CDK14: variants seen among roughly 807,000 people sequenced by gnomAD.
CDK14 encodes the protein cyclin-dependent kinase 14.
Under a neutral mutation model 60.7 loss-of-function variants are expected in CDK14, and 34 were observed. That is an observed-to-expected ratio of 0.56 (90% CI 0.43 to 0.75). CDK14 has a LOEUF of 0.75. CDK14 is among the 30% of genes least tolerant of loss of function. The probability of loss-of-function intolerance (pLI) is 0.00; values close to 1 mark genes in which losing one functional copy is unlikely to be tolerated. For synonymous variants in CDK14, 197 were observed against 203.7 expected, an observed-to-expected ratio of 0.97 and a Z score of 0.28; for missense variants, 482 against 564.1, an observed-to-expected ratio of 0.85 and a Z score of 1.47.
chr7:90,986,973 A>G (rs1252183283), intron 10 of CDK14, among the ~76,000 whole-genome samples: 1 of 151,940 alleles, frequency 6.6e-6, no homozygotes, highest in Non-Finnish European at 1.5e-5. Context: ...CTCAACTTAC[A>G]TATTACTTTA....
At position 90,714,720 on chromosome 7, in the gene CDK14, C is replaced by T. The variant is rs143472151; in HGVS notation, c.124-11847C>T. On this transcript the variant is annotated intron_variant, in intron 2 of 14. Coordinates refer to ENST00000380050, the MANE Select transcript of CDK14 (RefSeq NM_001287135.2). ...GAGTGATGCCCTATATTTTCCTGAA[C>T]ACTTTGATGGAGTTTGCATCTAGAT... Among the ~76,000 whole-genome samples the T allele has an allele frequency of 1.1e-3, 171 of 152,142 alleles. 2 individuals carry two copies. The highest frequency in any genetic ancestry group is 3.9e-3 in the African/African-American group (161 of 41,540).
intron 9 of CDK14, among the ~76,000 whole-genome samples, chr7:90,983,637 G>A (rs560945170): frequency 4.7e-5 from 7 of 149,618 alleles, no homozygotes; most frequent in South Asian, 4.2e-4. Flanking sequence ...CAGAGATCGC[G>A]CCACTGCACT....
chr7:90,657,435 A>T (rs1800774092), intron 2 of CDK14, among the ~76,000 whole-genome samples: 1 of 152,222 alleles, frequency 6.6e-6, no homozygotes, highest in Non-Finnish European at 1.5e-5. Flanking sequence ...CTAAAGCTGG[A>T]TGTAAAATTT....
rs577884672 is a variant in CDK14, at chr7:90,610,441, C to A, written c.123+6192C>A. ...TTCCTGCTGAACTCTTTTCACTCCCCCTAAGCCTTCTTGCGACCCTCCTCC... is the reference window on the plus strand; with the variant it reads ...TTCCTGCTGAACTCTTTTCACTCCCACTAAGCCTTCTTGCGACCCTCCTCC... On this transcript the variant is annotated intron_variant, in intron 2 of 14. Transcript: ENST00000380050. Among the ~76,000 whole-genome samples the A allele has an allele frequency of 4.6e-5, 7 of 152,284 alleles. No homozygotes were observed. In the South Asian group the frequency reaches 1.4e-3, roughly 32 times the overall value.
At chr7:90,738,798 T>A (rs1438992641) in intron 3 of CDK14, among the ~76,000 whole-genome samples, 1 of 152,186 alleles carries the variant, frequency 6.6e-6, no homozygotes, top group South Asian at 2.1e-4. Flanking sequence ...TTTGATCCAG[T>A]ATCTTTATTT....
chr7:91,158,798 C>A (rs565127717), intron 14 of CDK14, among the ~76,000 whole-genome samples: 2 of 152,190 alleles, frequency 1.3e-5, no homozygotes, highest in African/African-American at 4.8e-5. Flanking sequence ...AGCTTAGATA[C>A]AGTCAGGTCA....
At chr7:90,841,756 G>A (rs1790300701) in intron 5 of CDK14, among the ~76,000 whole-genome samples, 2 of 151,736 alleles carry the variant, frequency 1.3e-5, no homozygotes. Context: ...GGTTACTTGA[G>A]GGTACTTCTT....
At chr7:91,054,026 C>G (rs1223828002) in intron 11 of CDK14, among the ~76,000 whole-genome samples, 1 of 151,008 alleles carries the variant, frequency 6.6e-6, no homozygotes, top group Non-Finnish European at 1.5e-5. Context: ...CAGATTTGAG[C>G]TAGCTGACAT....
chr7:90,958,266 G>T (rs549993652), intron 9 of CDK14, among the ~76,000 whole-genome samples: 1 of 152,140 alleles, frequency 6.6e-6, no homozygotes, highest in Non-Finnish European at 1.5e-5. Flanking sequence ...TTAGGGATTT[G>T]TAAAGCCACT....
intron 2 of CDK14, among the ~76,000 whole-genome samples, chr7:90,625,201 G>A (rs143458891): frequency 2.6e-5 from 4 of 152,212 alleles, no homozygotes; most frequent in South Asian, 2.1e-4. Context: ...CTGGCCAGGC[G>A]TGGTGACACA....
At chr7:90,890,057 T>C (rs575789917) in intron 6 of CDK14, among the ~76,000 whole-genome samples, 1 of 152,248 alleles carries the variant, frequency 6.6e-6, no homozygotes, top group African/African-American at 2.4e-5. Context: ...AATGTTTTGT[T>C]TGTTATTCAC....
chr7:90,767,564 A>T lies in CDK14; in HGVS notation c.464+19789A>T, dbSNP rs367637076. On this transcript the variant is annotated intron_variant, in intron 4 of 14. Transcript: ENST00000380050. ...CTCACCTTCCCTTTCTATCAGATAG[A>T]TTTATTTTGGACAAGGTTTTCTATT... is the stretch of plus-strand genomic sequence containing the variant. 2.6e-5 allele frequency among the ~76,000 whole-genome samples: 4 copies of T among 152,208 alleles called. No homozygotes were observed. In the East Asian group the frequency reaches 5.8e-4, roughly 22 times the overall value.
Position 91,144,031 on chromosome 7 carries a change from C to T in CDK14, c.*28+25823C>T, listed in dbSNP as rs1442793559. Among the ~76,000 whole-genome samples the T allele has an allele frequency of 2.0e-5, 3 of 152,132 alleles. No individual in the cohort carries two copies. The East Asian group carries it at 5.8e-4, about 29-fold the overall frequency. On this transcript the variant is annotated intron_variant, in intron 14 of 14. Coordinates refer to ENST00000380050, the MANE Select transcript of CDK14 (RefSeq NM_001287135.2). ...TTATTTTAGATGTTTCAGTCATAAT[C>T]TAAGCCTGTGCAGCTATTTAGTTGC...
At chr7:90,778,256 T>C (rs1054877506) in intron 4 of CDK14, among the ~76,000 whole-genome samples, 2 of 152,258 alleles carry the variant, frequency 1.3e-5, no homozygotes, top group Non-Finnish European at 2.9e-5. Context: ...TTTCAGTAAA[T>C]GATACCTACA....
At chr7:90,720,142 A>G (rs529600419) in intron 2 of CDK14, among the ~76,000 whole-genome samples, 79 of 152,336 alleles carry the variant, frequency 5.2e-4, no homozygotes, top group Non-Finnish European at 1.1e-3. Context: ...GGAAGAGATA[A>G]TCAGGTTGTT....
chr7:90,783,390 T>G (rs962879795), intron 4 of CDK14, among the ~76,000 whole-genome samples: 4 of 152,182 alleles, frequency 2.6e-5, no homozygotes, highest in Non-Finnish European at 5.9e-5. Flanking sequence ...GAAGAACTAT[T>G]TGCCCAACCA....
At chr7:90,642,990 C>T (rs1056672577) in intron 2 of CDK14, among the ~76,000 whole-genome samples, 4 of 152,172 alleles carry the variant, frequency 2.6e-5, no homozygotes, top group Non-Finnish European at 4.4e-5. Flanking sequence ...CTTAGTTTCG[C>T]ACTCAGAAAA....
Position 90,696,338 on chromosome 7 carries a change from T to TCTTCTTCTTCTTCTTC in CDK14, c.124-30229_124-30228insCTTCTTCTTCTTCTTC, listed in dbSNP as rs61542847. On this transcript the variant is annotated intron_variant, in intron 2 of 14. Transcript: ENST00000380050. ...GATTTGGTTTTGTACTTCTTCTTCT[T>TCTTCTTCTTCTTCTTC]TTTTTTTTTTTTTTTTTTTTGAGAC... 1.6e-4 allele frequency among the ~76,000 whole-genome samples: 16 copies of TCTTCTTCTTCTTCTTC among 99,568 alleles called. No individual in the cohort carries two copies. In the East Asian group the frequency reaches 2.1e-3, roughly 13 times the overall value. 65.3% of individuals were successfully genotyped at this position (99,568 alleles called of 152,430 possible). A position where few individuals can be genotyped will look rare whatever the true frequency, so the allele number is the denominator to read the frequency against.
At chr7:91,128,480 G>A (rs1024267679) in intron 14 of CDK14, among the ~76,000 whole-genome samples, 3 of 152,156 alleles carry the variant, frequency 2.0e-5, no homozygotes, top group Non-Finnish European at 2.9e-5. Context: ...TTTATAGAAT[G>A]CTGTCTGAAA....
Sources: gnomAD v4.1 joint callset for allele counts (sites outside exome capture counted in the v4.1 genomes callset) on GRCh38, gnomAD v4.1.1 for gene constraint, MANE v1.5 for transcripts, NCBI Gene and HGNC (gene_info 2026-07-23, HGNC 2026-07-21) for gene names.